AFF2: variants seen among roughly 807,000 people sequenced by gnomAD.
AFF2 encodes the protein AF4/FMR2 family member 2.
In AFF2, 14 loss-of-function variants were observed where a neutral mutation model predicts 76.9. That is an observed-to-expected ratio of 0.18 (90% CI 0.12 to 0.28). The LOEUF (loss-of-function observed/expected upper bound fraction) is 0.28. AFF2 is among the 10% of genes least tolerant of loss of function. AFF2 has a pLI of 1.00. For synonymous variants in AFF2, 398 were observed against 366.7 expected (o/e 1.09, Z -0.98); for missense variants, 868 against 1,001.1 (o/e 0.87, Z 1.79).
intron 3 of AFF2, among the ~76,000 whole-genome samples, chrX:148,731,757 G>A (rs1450900335): frequency 1.1e-5 from 1 of 92,530 alleles, no homozygotes; most frequent in Non-Finnish European, 2.1e-5. Flanking sequence ...TCAAAAAGTG[G>A]GCGAAGGACA....
intron 1 of AFF2, among the ~76,000 whole-genome samples, chrX:148,544,301 A>G (rs782159174): frequency 1.8e-5 from 2 of 112,855 alleles, no homozygotes; most frequent in South Asian, 7.3e-4. Flanking sequence ...ATTACCCACA[A>G]GACATCTTTC....
intron 8 of AFF2, among the ~76,000 whole-genome samples, chrX:148,893,923 C>T (rs1450149533): frequency 9.0e-6 from 1 of 111,490 alleles, no homozygotes; most frequent in Non-Finnish European, 1.9e-5. Flanking sequence ...CATCACTGGT[C>T]CTTTCTTCAC....
rs2070707133 is a variant in AFF2, at chrX:148,849,382, C to CGA, written c.1262+5949_1262+5950insGA. Among the ~76,000 whole-genome samples the CGA allele has an allele frequency of 2.1e-4, 5 of 24,173 alleles. 1 individual carries two copies. The East Asian group carries it at 9.1e-3, about 44-fold the overall frequency. The allele number at this position is 24,173 out of a possible 115,157, so 21.0% of individuals were successfully genotyped here. A position where few individuals can be genotyped will look rare whatever the true frequency, so the allele number is the denominator to read the frequency against. ...TCTCTCTCCTCCCCCCCCCCCCCCC[C>CGA]CCCCGCTGACCACCCCTCTCTCTCC... On this transcript the variant is annotated intron_variant, in intron 7 of 20. Transcript: ENST00000370460.
chrX:148,931,266 A>AG, intron 9 of AFF2, among the ~76,000 whole-genome samples: 1 of 107,937 alleles, frequency 9.3e-6, no homozygotes, highest in East Asian at 2.9e-4. Flanking sequence ...AAAAAAAAAA[A>AG]AAAAAAAAAA....
intron 1 of AFF2, among the ~76,000 whole-genome samples, chrX:148,647,592 C>A (rs2054156709): frequency 9.0e-6 from 1 of 111,198 alleles, no homozygotes; most frequent in Admixed American, 9.6e-5. Flanking sequence ...TCCCTACTGC[C>A]AATTTCTAAT....
At chrX:148,860,656 GC>G (rs2124051305) in intron 7 of AFF2, among the ~76,000 whole-genome samples, 1 of 112,066 alleles carries the variant, frequency 8.9e-6, no homozygotes, top group African/African-American at 3.2e-5. Context: ...GGCTGGCTTT[GC>G]TTTTTAAAAC....
intron 1 of AFF2, among the ~76,000 whole-genome samples, chrX:148,589,776 A>C (rs2053505388): frequency 9.0e-6 from 1 of 110,672 alleles, no homozygotes; most frequent in African/African-American, 3.3e-5. Context: ...CACCAAATAC[A>C]TTGCAGAAAG....
chrX:148,799,703 T>C (rs1044310411), intron 3 of AFF2, among the ~76,000 whole-genome samples: 2 of 112,278 alleles, frequency 1.8e-5, no homozygotes, highest in African/African-American at 6.5e-5. Flanking sequence ...GCTTATTTGT[T>C]ATTGGATAAA....
intron 1 of AFF2, among the ~76,000 whole-genome samples, chrX:148,562,677 TG>T (rs1375690316): frequency 8.9e-6 from 1 of 112,123 alleles, no homozygotes; most frequent in African/African-American, 3.2e-5. Context: ...GAGTTCAGGC[TG>T]AAGGTGATTT....
chrX:148,668,425 C>A (rs2054382636), intron 3 of AFF2, among the ~76,000 whole-genome samples: 2 of 112,702 alleles, frequency 1.8e-5, no homozygotes, highest in African/African-American at 3.2e-5. Flanking sequence ...CAGCTCTGAC[C>A]CCACATTTCC....
At chrX:148,719,728 G>C (rs2055069366) in intron 3 of AFF2, among the ~76,000 whole-genome samples, 1 of 111,762 alleles carries the variant, frequency 8.9e-6, no homozygotes, top group African/African-American at 3.2e-5. Flanking sequence ...AGAATGGATG[G>C]TGCAGGCCAA....
rs191209725 is a variant in AFF2 at position 148,600,334 on chromosome X, T to G, written c.48-51665T>G. Reference sequence around the variant, plus strand: ...GCGAGACAGATGGAAAAGGCTGCTTTAAGAAGGGATCAGAAAAGGCATTGC... The same window carrying G: ...GCGAGACAGATGGAAAAGGCTGCTTGAAGAAGGGATCAGAAAAGGCATTGC... On this transcript the variant is annotated intron_variant, in intron 1 of 20. Coordinates refer to ENST00000370460, the MANE Select transcript of AFF2 (RefSeq NM_002025.4). Among the ~76,000 whole-genome samples, 10 of 111,416 alleles carry G rather than the reference T, an allele frequency of 9.0e-5. No homozygotes were observed. The East Asian group carries it at 2.9e-3, about 32-fold the overall frequency.
intron 3 of AFF2, among the ~76,000 whole-genome samples, chrX:148,680,505 G>A (rs1326174145): frequency 9.0e-6 from 1 of 111,033 alleles, no homozygotes; most frequent in African/African-American, 3.3e-5. Flanking sequence ...GTAGGAGTAA[G>A]CGTGGTTTCG....
intron 3 of AFF2, among the ~76,000 whole-genome samples, chrX:148,767,310 A>G (rs191823890): frequency 2.7e-5 from 3 of 111,672 alleles, no homozygotes; most frequent in African/African-American, 9.8e-5. Context: ...CTAAACATTA[A>G]TAACTTAAAT....
chrX:148,898,433 A>T (rs1306122378), intron 8 of AFF2, among the ~76,000 whole-genome samples: 1 of 112,293 alleles, frequency 8.9e-6, no homozygotes, highest in Non-Finnish European at 1.9e-5. Flanking sequence ...ACCAGTAGAG[A>T]AGTGAGGTGG....
intron 9 of AFF2, among the ~76,000 whole-genome samples, chrX:148,930,886 C>T (rs1360316877): frequency 8.9e-6 from 1 of 112,036 alleles, no homozygotes; most frequent in East Asian, 2.8e-4. Context: ...CTGCAAATGC[C>T]TCTGAGTAAT....
chrX:148,581,955 T>C (rs1661577060), intron 1 of AFF2, among the ~76,000 whole-genome samples: 1 of 112,118 alleles, frequency 8.9e-6, no homozygotes, highest in African/African-American at 3.2e-5. Flanking sequence ...TGGGTTATTA[T>C]GTTTCTTAAG....
chrX:148,908,780 AAAG>A (rs782615360), intron 9 of AFF2, among the ~76,000 whole-genome samples: 4 of 112,485 alleles, frequency 3.6e-5, no homozygotes, highest in Admixed American at 1.9e-4. Context: ...AAAAAAATAA[AAAG>A]AAGAACATTT....
intron 4 of AFF2, among the ~76,000 whole-genome samples, chrX:148,834,526 T>G (rs2070496684): frequency 9.2e-6 from 1 of 109,025 alleles, no homozygotes; most frequent in African/African-American, 3.4e-5. Context: ...TGTGTGTGTG[T>G]GTGTGTGTGT....
Sources: allele counts gnomAD v4.1 joint callset (sites outside exome capture counted in the v4.1 genomes callset), GRCh38; gene constraint gnomAD v4.1.1; transcripts MANE v1.5; gene names NCBI Gene and HGNC (gene_info 2026-07-23, HGNC 2026-07-21).